Variants in ZNF486 observed in about 807,000 individuals in gnomAD.
ZNF486 encodes the protein zinc finger protein 486.
A neutral mutation model predicts 12.8 loss-of-function variants in ZNF486; 12 were observed. The observed-to-expected ratio is 0.94, with a 90% CI of 0.60 to 1.52. The LOEUF (loss-of-function observed/expected upper bound fraction) is 1.52, where lower values mean the gene tolerates loss of function less well. Ranked by LOEUF, ZNF486 falls within the 40% of genes most tolerant of loss-of-function variation. The probability of loss-of-function intolerance (pLI) is 0.00; values close to 1 mark genes in which losing one functional copy is unlikely to be tolerated. For missense variants in ZNF486, 738 were observed against 545.0 expected (o/e 1.35, Z -3.53); for synonymous variants, 231 against 184.9 (o/e 1.25, Z -2.02).
At chr19:20,179,166 C>T (rs1555715211) in intron 1 of ZNF486, among the ~76,000 whole-genome samples, 3 of 152,198 alleles carry the variant, frequency 2.0e-5, no homozygotes, top group Admixed American at 6.5e-5. Context: ...ATGTATTCAT[C>T]TATTGAAACT....
intron 1 of ZNF486, among the ~76,000 whole-genome samples, chr19:20,179,438 C>T (rs76298606): frequency 0.044 from 6,638 of 152,224 alleles, 214 homozygotes; most frequent in Middle Eastern, 0.082. Context: ...AACCCTTAAG[C>T]TTGACCCAAA....
intron 1 of ZNF486, among the ~76,000 whole-genome samples, chr19:20,169,638 A>T (rs2089625028): frequency 6.6e-6 from 1 of 152,162 alleles, no homozygotes; most frequent in Admixed American, 6.6e-5. Context: ...TTTAAGATAA[A>T]AACGTCAGAT....
At position 20,197,990 on chromosome 19, in the gene ZNF486, C is replaced by T. The variant is rs782281966; in HGVS notation, c.1280C>T (p.Thr427Ile). Residue 427 changes from threonine (T) to isoleucine (I), a missense_variant, in exon 4 of 4, where the codon ACT (threonine) becomes ATT (isoleucine). By Grantham distance (89) the Thr-to-Ile change is moderately conservative. Coordinates refer to ENST00000335117, the MANE Select transcript of ZNF486 (RefSeq NM_052852.4). Reference sequence around the variant, plus strand: ...TCAAATCTAACTGAACATAAGACAACTCATACTGGAGAGAAACCTTACAAA... The same window carrying T: ...TCAAATCTAACTGAACATAAGACAATTCATACTGGAGAGAAACCTTACAAA... ...TSSNLTEHKT[T>I]HTGEKPYKCK... 26 of 1,613,274 alleles carry T rather than the reference C, an allele frequency of 1.6e-5. No homozygotes were observed. In the Admixed American group the frequency reaches 3.7e-4, roughly 23 times the overall value.
At chr19:20,180,910 T>C (rs2089777728) in intron 1 of ZNF486, among the ~76,000 whole-genome samples, 1 of 152,222 alleles carries the variant, frequency 6.6e-6, no homozygotes, top group South Asian at 2.1e-4. Flanking sequence ...GGGATTTGTT[T>C]AAATTGTGTA....
At position 20,197,736 on chromosome 19, in the gene ZNF486, G is replaced by A. The variant is rs1568328793; in HGVS notation, c.1026G>A (p.Lys342=). The stretch of plus-strand genomic sequence containing the variant: ...CCTCGATCCTTAGTAAACATGAGAA[G>A]ATTCATACGGGAGAGAAACCCTACA... ...ISSSILSKHE[K]IHTGEKPYKC... is the part of the protein sequence containing the mutation. The change falls in exon 4 of 4, where the codon AAG becomes AAA. Residue 342 remains lysine (K), a synonymous_variant. Coordinates refer to ENST00000335117, the MANE Select transcript of ZNF486 (RefSeq NM_052852.4). 4.4e-6 allele frequency: 7 copies of A among 1,606,754 alleles called. No homozygotes were observed. The highest frequency in any genetic ancestry group is 5.1e-6 in the Non-Finnish European group (6 of 1,177,560).
intron 1 of ZNF486, among the ~76,000 whole-genome samples, chr19:20,170,085 T>G (rs1406654447): frequency 6.7e-6 from 1 of 149,690 alleles, no homozygotes; most frequent in Non-Finnish European, 1.5e-5. Flanking sequence ...TAGAGACGGG[T>G]TTCACCGTGT....
intron 3 of ZNF486, among the ~76,000 whole-genome samples, chr19:20,186,935 A>G (rs1249829947): frequency 3.3e-5 from 5 of 151,756 alleles, no homozygotes; most frequent in East Asian, 1.9e-4. Flanking sequence ...GGTGCATACA[A>G]CCATGCCTGG....
chr19:20,170,736 C>G (rs1483122774), intron 1 of ZNF486, among the ~76,000 whole-genome samples: 1 of 152,194 alleles, frequency 6.6e-6, no homozygotes, highest in Non-Finnish European at 1.5e-5. Context: ...TCAGCTTTTT[C>G]TGGAGTACAC....
At chr19:20,184,968 G>T (rs112940231) in intron 2 of ZNF486, among the ~76,000 whole-genome samples, 2 of 151,992 alleles carry the variant, frequency 1.3e-5, no homozygotes, top group South Asian at 2.1e-4. Context: ...AAAATTAGTC[G>T]TTTATGGTGG....
intron 1 of ZNF486, among the ~76,000 whole-genome samples, chr19:20,178,987 G>A (rs183300024): frequency 3.9e-5 from 6 of 152,310 alleles, no homozygotes; most frequent in Admixed American, 2.6e-4. Flanking sequence ...AACACCTGCT[G>A]CTCCTCCTGC....
intron 3 of ZNF486, among the ~76,000 whole-genome samples, chr19:20,189,835 C>G (rs1293798409): frequency 1.3e-5 from 2 of 152,122 alleles, no homozygotes; most frequent in Non-Finnish European, 2.9e-5. Context: ...TGTAGTTAAA[C>G]TTTTCTTGTA....
In ZNF486 at chr19:20,197,565, G is replaced by C; in HGVS notation, c.855G>C (p.Lys285Asn). ...ACCCCTATACCCTTACTACACATAAGATAATCCATACTGGAGAGCAACCCT... is the reference window on the plus strand; with the variant it reads ...ACCCCTATACCCTTACTACACATAACATAATCCATACTGGAGAGCAACCCT... ...FMYPYTLTTH[K>N]IIHTGEQPYK... The change falls in exon 4 of 4, where the codon AAG (lysine) becomes AAC (asparagine). Residue 285 changes from lysine to asparagine, a missense_variant. By Grantham distance (94) the Lys-to-Asn change is moderately conservative (BLOSUM62 0). Coordinates refer to ENST00000335117, the MANE Select transcript of ZNF486 (RefSeq NM_052852.4). The C allele has an allele frequency of 1.2e-6, 2 of 1,613,620 alleles. No homozygotes were observed. Among genetic ancestry groups the C allele is most frequent in the Non-Finnish European group, 8.5e-7 (1 of 1,179,766 alleles).
At chr19:20,170,307 A>T (rs886170729) in intron 1 of ZNF486, among the ~76,000 whole-genome samples, 5 of 151,976 alleles carry the variant, frequency 3.3e-5, no homozygotes, top group African/African-American at 9.6e-5. Flanking sequence ...GCCAGGCGCG[A>T]TGGCTCACGC....
intron 1 of ZNF486, among the ~76,000 whole-genome samples, chr19:20,170,677 A>T (rs2089639174): frequency 6.6e-6 from 1 of 152,224 alleles, no homozygotes; most frequent in Non-Finnish European, 1.5e-5. Flanking sequence ...GTGACAGGTA[A>T]GAAAAGAGAG....
intron 3 of ZNF486, among the ~76,000 whole-genome samples, chr19:20,193,958 C>A (rs1327141075): frequency 6.6e-6 from 1 of 152,074 alleles, no homozygotes; most frequent in Admixed American, 6.6e-5. Context: ...AAATTAACTT[C>A]AGTTATATAC....
In ZNF486 at chr19:20,174,237, AAAG is replaced by A. The variant is rs140616849; in HGVS notation, c.30+6883_30+6885del. The stretch of plus-strand genomic sequence containing the variant: ...GCAGGCTGAAGTACTTATACTGCAA[AAAG>A]AAGAACAGTTCAGTGCGTAAACTGA... On this transcript the variant is annotated intron_variant, in intron 1 of 3. Coordinates refer to ENST00000335117, the MANE Select transcript of ZNF486 (RefSeq NM_052852.4). 6.1e-3 allele frequency among the ~76,000 whole-genome samples: 934 copies of A among 152,300 alleles called. 9 individuals are homozygous for A. Among genetic ancestry groups the A allele is most frequent in the African/African-American group, 0.021 (858 of 41,560 alleles).
intron 3 of ZNF486, among the ~76,000 whole-genome samples, chr19:20,190,160 T>A (rs2089888655): frequency 6.6e-6 from 1 of 152,224 alleles, no homozygotes. Context: ...CATCTGTTTA[T>A]CTTTGTGTCA....
chr19:20,186,753 T>C (rs1452082199), intron 3 of ZNF486, among the ~76,000 whole-genome samples: 3 of 151,866 alleles, frequency 2.0e-5, no homozygotes, highest in African/African-American at 7.2e-5. Context: ...AATTTTAAAA[T>C]TTATTTGGAT....
chr19:20,198,150 G>C lies in ZNF486; in HGVS notation c.*48G>C. The C allele has an allele frequency of 2.7e-6, 4 of 1,481,294 alleles. No individual in the cohort carries two copies. Among genetic ancestry groups the C allele is most frequent in the Non-Finnish European group, 3.6e-6 (4 of 1,110,808 alleles). The allele number at this position is 1,481,294 out of a possible 1,614,324, so 91.8% of individuals were successfully genotyped here. A position where few individuals can be genotyped will look rare whatever the true frequency, so the allele number is the denominator to read the frequency against. On this transcript the variant is annotated 3_prime_UTR_variant, in exon 4 of 4. Coordinates refer to ENST00000335117, the MANE Select transcript of ZNF486 (RefSeq NM_052852.4). ...TATTTTTTTGAGAGGTAATTCTGCT[G>C]TTGTTTCCCAGGCTGGAGTGCAATG...
Sources: gnomAD v4.1 joint callset for allele counts (sites outside exome capture counted in the v4.1 genomes callset) on GRCh38, gnomAD v4.1.1 for gene constraint, MANE v1.5 for transcripts, NCBI Gene and HGNC (gene_info 2026-07-23, HGNC 2026-07-21) for gene names.